The following PHACTR2 variants were observed in gnomAD, a reference collection of about 807,000 sequenced individuals.
PHACTR2 encodes chromosome 6 open reading frame 56.
Under a neutral mutation model 76.0 loss-of-function variants are expected in PHACTR2, and 30 were observed. That is an observed-to-expected ratio of 0.39 (90% CI 0.30 to 0.54). PHACTR2 has a LOEUF of 0.54. Among genes scored for constraint, PHACTR2 ranks in the 20% least tolerant of loss-of-function variants. The pLI is 0.61. For missense variants in PHACTR2, 696 were observed against 781.1 expected, an observed-to-expected ratio of 0.89 and a Z score of 1.30; for synonymous variants, 292 against 292.5, an observed-to-expected ratio of 1.00 and a Z score of 0.02.
At position 143,780,440 on chromosome 6, in the gene PHACTR2, C is replaced by T. The variant is rs1775399830; in HGVS notation, c.1646-2779C>T. Among the ~76,000 whole-genome samples, 1 of 151,974 alleles carries T rather than the reference C, an allele frequency of 6.6e-6. No homozygotes were observed. Among genetic ancestry groups the T allele is most frequent in the Non-Finnish European group, 1.5e-5 (1 of 68,010 alleles). Reference sequence around the variant, plus strand: ...CAGCCTGGGCAATATAGTGAGATCTCATCTCCACCAAAAATTGAAAAAACA... The same window carrying T: ...CAGCCTGGGCAATATAGTGAGATCTTATCTCCACCAAAAATTGAAAAAACA... On this transcript the variant is annotated intron_variant, in intron 9 of 12. Transcript: ENST00000440869. This position sits in a 1 kb window ranked among gnomAD's most constrained non-coding sequence, Gnocchi z 4.4.
At chr6:143,668,061 C>T (rs1777075391) in intron 1 of PHACTR2, among the ~76,000 whole-genome samples, 3 of 152,080 alleles carry the variant, frequency 2.0e-5, no homozygotes, top group Admixed American at 1.3e-4. Flanking sequence ...TTTATCAACA[C>T]CTAGTTTATT....
At chr6:143,544,247 GGAGT>G (rs1323015182) in intron 1 of PHACTR2, among the ~76,000 whole-genome samples, 19 of 136,636 alleles carry the variant, frequency 1.4e-4, no homozygotes, top group South Asian at 8.3e-4. Context: ...AGGGAGGGAG[GGAGT>G]GGGAAGGAAG....
chr6:143,673,634 G>A (rs1001914562), upstream of PHACTR2, among the ~76,000 whole-genome samples: 1 of 152,050 alleles, frequency 6.6e-6, no homozygotes, highest in Non-Finnish European at 1.5e-5. Context: ...TGAGTACTTT[G>A]TTTTGCTTAT....
chr6:143,578,657 G>C lies in PHACTR2; in HGVS notation c.217+41450G>C, dbSNP rs187302202. ...AATGAGGAGAGGATGAGGAGGAGGA[G>C]GAGGAGGAAGGAGAAGAGGAGGACA... On this transcript the variant is annotated intron_variant, in intron 1 of 11. Transcript: ENST00000367584. The surrounding 1 kb of genome is among the most constrained non-coding windows in gnomAD (Gnocchi z 4.5). Among the ~76,000 whole-genome samples, 6 of 152,130 alleles carry C rather than the reference G, an allele frequency of 3.9e-5. No individual in the cohort carries two copies. In the East Asian group the frequency reaches 1.2e-3, roughly 29 times the overall value.
chr6:143,563,098 A>G (rs1194851335), intron 1 of PHACTR2, among the ~76,000 whole-genome samples: 1 of 152,238 alleles, frequency 6.6e-6, no homozygotes, highest in East Asian at 1.9e-4. Flanking sequence ...AAAATGGTTG[A>G]TGTAGTAAAT....
intron 1 of PHACTR2, among the ~76,000 whole-genome samples, chr6:143,670,309 A>T (rs1456740019): frequency 6.6e-6 from 1 of 151,916 alleles, no homozygotes; most frequent in Non-Finnish European, 1.5e-5. Flanking sequence ...TGAATCTGAT[A>T]ATTATGTGTC....
In PHACTR2 at chr6:143,556,304, G is replaced by T. The variant is rs936218387; in HGVS notation, c.217+19097G>T. On this transcript the variant is annotated intron_variant, in intron 1 of 11. Coordinates refer to the PHACTR2 transcript ENST00000367584. The surrounding 1 kb of genome is among the most constrained non-coding windows in gnomAD (Gnocchi z 4.3). ...TTAAGGTATGGACTTTAGGTGTGGG[G>T]CATCTCCAATGCTCCTGCGTGCCAG... 2.6e-5 allele frequency among the ~76,000 whole-genome samples: 4 copies of T among 152,238 alleles called. No homozygotes were observed. Among genetic ancestry groups the T allele is most frequent in the African/African-American group, 9.6e-5 (4 of 41,464 alleles).
intron 1 of PHACTR2, among the ~76,000 whole-genome samples, chr6:143,701,943 TC>T (rs1200573722): frequency 6.6e-6 from 1 of 151,964 alleles, no homozygotes; most frequent in Non-Finnish European, 1.5e-5. Context: ...TAACCTAGTC[TC>T]CTAATTTCAG....
In PHACTR2 at chr6:143,570,647, C is replaced by G. The variant is rs956132844; in HGVS notation, c.217+33440C>G. On this transcript the variant is annotated intron_variant, in intron 1 of 11. Transcript: ENST00000367584. This position sits in a 1 kb window ranked among gnomAD's most constrained non-coding sequence, Gnocchi z 4.6. ...ACTCTCCTGGGGCTCTCCCTCTCCC[C>G]GCTTGCTCTCCTTCCCTAATCCCCA... Among the ~76,000 whole-genome samples, 12 of 152,280 alleles carry G rather than the reference C, an allele frequency of 7.9e-5. No homozygotes were observed. The highest frequency in any genetic ancestry group is 2.9e-4 in the African/African-American group (12 of 41,554).
chr6:143,685,648 T>C (rs1038292353), intron 1 of PHACTR2, among the ~76,000 whole-genome samples: 1 of 141,904 alleles, frequency 7.0e-6, no homozygotes. Flanking sequence ...AGAACATAAG[T>C]GATCACTTGG....
rs1438245959 is a variant in PHACTR2, at chr6:143,641,017, G to A, written c.13+32695G>A. 1.3e-5 allele frequency among the ~76,000 whole-genome samples: 2 copies of A among 152,178 alleles called. No individual in the cohort carries two copies. The highest frequency in any genetic ancestry group is 2.9e-5 in the Non-Finnish European group (2 of 68,032). Reference sequence around the variant, plus strand: ...AGACAGGGTAATTTATAATGAATGAGAATGTATTTCTCATAGTTCTGGAGG... The same window carrying A: ...AGACAGGGTAATTTATAATGAATGAAAATGTATTTCTCATAGTTCTGGAGG... On this transcript the variant is annotated intron_variant, in intron 1 of 11. Coordinates refer to the PHACTR2 transcript ENST00000305766. The surrounding 1 kb of genome is among the most constrained non-coding windows in gnomAD (Gnocchi z 5.8).
At chr6:143,699,324 A>G (rs9496738) in intron 1 of PHACTR2, among the ~76,000 whole-genome samples, 39,118 of 151,972 alleles carry the variant, frequency 0.26, 5,126 homozygotes, top group African/African-American at 0.32. Context: ...CCTTCTCCTC[A>G]GCCCATGAAC....
rs531736233 is a variant in PHACTR2 at position 143,622,716 on chromosome 6, C to T, written c.13+14394C>T. Among the ~76,000 whole-genome samples, 11 of 152,196 alleles carry T rather than the reference C, an allele frequency of 7.2e-5. 1 individual carries two copies. The South Asian group carries it at 2.1e-3, about 29-fold the overall frequency. On this transcript the variant is annotated intron_variant, in intron 1 of 11. Coordinates refer to the PHACTR2 transcript ENST00000305766. Reference sequence around the variant, plus strand: ...AAATCCTTATCAACCCAGAAAAGTCCTTGTGAACCTTGATTTTTTTGTGTG... The same window carrying T: ...AAATCCTTATCAACCCAGAAAAGTCTTTGTGAACCTTGATTTTTTTGTGTG...
intron 1 of PHACTR2, among the ~76,000 whole-genome samples, chr6:143,542,541 GGCTTGA>G (rs1298008148): frequency 6.6e-6 from 1 of 152,156 alleles, no homozygotes; most frequent in Non-Finnish European, 1.5e-5. Context: ...GGTTTCAGCA[GGCTTGA>G]GCTTCTGTTT....
At position 143,801,516 on chromosome 6, in the gene PHACTR2, C is replaced by T. The variant is rs987171283; in HGVS notation, c.1846-5541C>T. 6.6e-6 allele frequency among the ~76,000 whole-genome samples: 1 copy of T among 152,140 alleles called. No individual in the cohort carries two copies. Among genetic ancestry groups the T allele is most frequent in the Admixed American group, 6.5e-5 (1 of 15,272 alleles). ...GCTATTGAGGCTTGTGTATGCTTCACGGAGTTCTCGTACTGTAGTTTTCAG... is the reference window on the plus strand; with the variant it reads ...GCTATTGAGGCTTGTGTATGCTTCATGGAGTTCTCGTACTGTAGTTTTCAG... On this transcript the variant is annotated intron_variant, in intron 11 of 12. Coordinates refer to ENST00000440869, the MANE Select transcript of PHACTR2 (RefSeq NM_001100164.2). The surrounding 1 kb of genome is among the most constrained non-coding windows in gnomAD (Gnocchi z 4.6).
chr6:143,563,925 A>G (rs763504043), intron 1 of PHACTR2, among the ~76,000 whole-genome samples: 2 of 151,480 alleles, frequency 1.3e-5, no homozygotes, highest in African/African-American at 4.9e-5. Flanking sequence ...GATTGCTGGA[A>G]CCCTTGAGGT....
chr6:143,603,420 A>G (rs1419610931), upstream of PHACTR2, among the ~76,000 whole-genome samples: 2 of 152,072 alleles, frequency 1.3e-5, no homozygotes, highest in African/African-American at 4.8e-5. Flanking sequence ...CCTTAAAAAA[A>G]AAAAAAGAGG....
intron 1 of PHACTR2, among the ~76,000 whole-genome samples, chr6:143,631,550 G>C (rs761059331): frequency 1.3e-5 from 2 of 152,030 alleles, no homozygotes; most frequent in Non-Finnish European, 2.9e-5. Context: ...GTGTGCTTCC[G>C]TGCCTATGGT....
chr6:143,636,254 C>G (rs980731096), intron 1 of PHACTR2, among the ~76,000 whole-genome samples: 1 of 151,490 alleles, frequency 6.6e-6, no homozygotes, highest in Non-Finnish European at 1.5e-5. Flanking sequence ...CCTCTGCTGC[C>G]TTTATGGTTT....
Sources: gnomAD v4.1 joint callset for allele counts (sites outside exome capture counted in the v4.1 genomes callset) on GRCh38, gnomAD v4.1.1 for gene constraint, Gnocchi (gnomAD v3.1) non-coding constraint, MANE v1.5 for transcripts, NCBI Gene and HGNC (gene_info 2026-07-23, HGNC 2026-07-21) for gene names.